Variants in FHIT observed in about 807,000 individuals in gnomAD.
FHIT encodes bis(5'-adenosyl)-triphosphatase.
Under a neutral mutation model 17.9 loss-of-function variants are expected in FHIT, and 19 were observed. The ratio of observed to expected loss-of-function variants is 1.06; its 90% confidence interval spans 0.74 to 1.56. The LOEUF (loss-of-function observed/expected upper bound fraction) is 1.56. FHIT is among the 40% of genes most tolerant of loss of function. The pLI, the probability that FHIT is intolerant of heterozygous loss-of-function variation, is 0.00. For synonymous variants in FHIT, 81 were observed against 69.7 expected (o/e 1.16, Z -0.81); for missense variants, 248 against 189.2 (o/e 1.31, Z -1.82).
intron 8 of FHIT, among the ~76,000 whole-genome samples, chr3:59,811,129 T>C (rs1700392034): frequency 6.6e-6 from 1 of 152,212 alleles, no homozygotes; most frequent in African/African-American, 2.4e-5. Flanking sequence ...CTATGTCACA[T>C]GGACACAACA....
intron 5 of FHIT, among the ~76,000 whole-genome samples, chr3:60,025,421 G>C (rs2106754057): frequency 6.6e-6 from 1 of 152,262 alleles, no homozygotes; most frequent in Admixed American, 6.5e-5. Context: ...AGAATGATTA[G>C]AAACAGGCTC....
intron 4 of FHIT, among the ~76,000 whole-genome samples, chr3:60,657,066 G>C: frequency 6.6e-6 from 1 of 152,186 alleles, no homozygotes; most frequent in East Asian, 1.9e-4. Flanking sequence ...CAGAAGGCAA[G>C]GAAGTCCTAT....
intron 5 of FHIT, among the ~76,000 whole-genome samples, chr3:60,301,644 T>C (rs547625068): frequency 2.1e-4 from 32 of 152,290 alleles, no homozygotes; most frequent in Non-Finnish European, 3.5e-4. Flanking sequence ...AACAGCAAGC[T>C]CATAACATGA....
chr3:60,317,714 A>C (rs1270287052), intron 5 of FHIT, among the ~76,000 whole-genome samples: 2 of 149,820 alleles, frequency 1.3e-5, no homozygotes, highest in African/African-American at 4.9e-5. Context: ...AGACTGTCAA[A>C]GCTTCACAGT....
chr3:59,798,711 A>T (rs1699877014), intron 8 of FHIT, among the ~76,000 whole-genome samples: 1 of 152,240 alleles, frequency 6.6e-6, no homozygotes, highest in South Asian at 2.1e-4. Context: ...TTGGTTCCCA[A>T]CAGGATGACC....
At chr3:60,520,648 CA>C (rs113011443) in intron 5 of FHIT, among the ~76,000 whole-genome samples, 79 of 149,226 alleles carry the variant, frequency 5.3e-4, no homozygotes, top group African/African-American at 1.5e-3. Context: ...GCTTCACTTT[CA>C]AAAAAAAAAT....
chr3:60,690,423 GGAC>G (rs1309493570), intron 4 of FHIT: 2 of 580,636 alleles, frequency 3.4e-6, no homozygotes, highest in African/African-American at 3.8e-5. Context: ...CATTTGCCAT[GGAC>G]AGGATGCCAG....
chr3:60,509,276 C>A (rs951400272), intron 5 of FHIT, among the ~76,000 whole-genome samples: 1 of 152,178 alleles, frequency 6.6e-6, no homozygotes, highest in Admixed American at 6.5e-5. Context: ...CCAGGATACC[C>A]AGAGCTGCCC....
intron 5 of FHIT, among the ~76,000 whole-genome samples, chr3:60,387,380 C>G (rs1238929428): frequency 6.6e-6 from 1 of 152,058 alleles, no homozygotes; most frequent in Non-Finnish European, 1.5e-5. Flanking sequence ...ATTATACTTC[C>G]TAAGGAATGG....
intron 5 of FHIT, among the ~76,000 whole-genome samples, chr3:60,398,586 T>C (rs1449927289): frequency 3.9e-5 from 6 of 152,204 alleles, no homozygotes; most frequent in Non-Finnish European, 7.3e-5. Flanking sequence ...AAGCCTGTTC[T>C]GTTAAAGCAG....
intron 5 of FHIT, among the ~76,000 whole-genome samples, chr3:60,489,666 A>G (rs890287044): frequency 1.3e-5 from 2 of 152,224 alleles, no homozygotes; most frequent in Non-Finnish European, 2.9e-5. Flanking sequence ...CATCTAAATT[A>G]GAATAACAAG....
intron 4 of FHIT, among the ~76,000 whole-genome samples, chr3:60,647,425 G>A (rs2039886675): frequency 6.6e-6 from 1 of 152,180 alleles, no homozygotes; most frequent in Non-Finnish European, 1.5e-5. Context: ...TGTGAGAAGT[G>A]AGATTTAGAG....
chr3:61,181,450 A>T (rs1424435286), intron 2 of FHIT, among the ~76,000 whole-genome samples: 1 of 152,212 alleles, frequency 6.6e-6, no homozygotes, highest in East Asian at 1.9e-4. Context: ...ACTTGAAGGA[A>T]GCACACAAAC....
At chr3:61,123,724 A>G (rs2036528694) in intron 2 of FHIT, among the ~76,000 whole-genome samples, 1 of 152,118 alleles carries the variant, frequency 6.6e-6, no homozygotes, top group Non-Finnish European at 1.5e-5. Flanking sequence ...GTGTAGTAAT[A>G]AATGTTCAGC....
chr3:60,047,172 C>T (rs1701688391), intron 5 of FHIT, among the ~76,000 whole-genome samples: 1 of 152,196 alleles, frequency 6.6e-6, no homozygotes, highest in Non-Finnish European at 1.5e-5. Context: ...CAATACTGCC[C>T]TCTGGTTTGT....
At chr3:60,068,289 C>G (rs1359998850) in intron 5 of FHIT, among the ~76,000 whole-genome samples, 1 of 152,146 alleles carries the variant, frequency 6.6e-6, no homozygotes, top group African/African-American at 2.4e-5. Context: ...GTCCCAATGT[C>G]TATTTCCAAG....
intron 3 of FHIT, among the ~76,000 whole-genome samples, chr3:61,037,119 G>A (rs1278743591): frequency 6.6e-6 from 1 of 152,174 alleles, no homozygotes; most frequent in South Asian, 2.1e-4. Flanking sequence ...CACCGTGTTA[G>A]CCAGGATGGT....
intron 8 of FHIT, among the ~76,000 whole-genome samples, chr3:59,799,181 G>A (rs1253196844): frequency 7.2e-5 from 11 of 152,132 alleles, no homozygotes; most frequent in Middle Eastern, 3.2e-3. Flanking sequence ...CTTTGAAGGC[G>A]TACATAGACT....
chr3:60,205,751 T>A (rs372709729), intron 5 of FHIT, among the ~76,000 whole-genome samples: 1 of 152,194 alleles, frequency 6.6e-6, no homozygotes, highest in Admixed American at 6.5e-5. Flanking sequence ...ATTCTTGAAT[T>A]TCATGGTCAT....
Sources: allele counts gnomAD v4.1 joint callset (sites outside exome capture counted in the v4.1 genomes callset), GRCh38; gene constraint gnomAD v4.1.1; transcripts MANE v1.5; gene names NCBI Gene and HGNC (gene_info 2026-07-23, HGNC 2026-07-21).